The following CLSTN1 variants were observed in gnomAD, a reference collection of about 807,000 sequenced individuals.
CLSTN1 encodes calsyntenin-1.
A neutral mutation model predicts 108.3 loss-of-function variants in CLSTN1; 28 were observed. The observed-to-expected ratio is 0.26, with a 90% CI of 0.19 to 0.35. CLSTN1 has a LOEUF of 0.35. CLSTN1 is among the 10% of genes least tolerant of loss of function. The probability of loss-of-function intolerance (pLI) is 1.00; values close to 1 mark genes in which losing one functional copy is unlikely to be tolerated. For synonymous variants in CLSTN1, 524 were observed against 534.9 expected (o/e 0.98, Z 0.28); for missense variants, 1,157 against 1,302.6 (o/e 0.89, Z 1.72).
chr1:9,776,636 C>T (rs1022041831), intron 1 of CLSTN1, among the ~76,000 whole-genome samples: 3 of 152,132 alleles, frequency 2.0e-5, no homozygotes, highest in African/African-American at 7.2e-5. Flanking sequence ...CCGGCACTTA[C>T]TCGGCAGCCA....
intron 7 of CLSTN1, 38 bp downstream of exon 7, chr1:9,749,423 C>G: frequency 1.9e-6 from 3 of 1,573,320 alleles, no homozygotes; most frequent in Non-Finnish European, 1.7e-6. Flanking sequence ...CCACCTTCAC[C>G]AAAGCCAGCC....
chr1:9,747,295 G>C (rs192302488), intron 7 of CLSTN1, among the ~76,000 whole-genome samples: 1 of 150,284 alleles, frequency 6.7e-6, no homozygotes, highest in African/African-American at 2.5e-5. Context: ...TGAAATGAGA[G>C]ACGGAATAAA....
chr1:9,731,969 G>A (rs930929746), intron 16 of CLSTN1, 73 bp from the exon 17 acceptor site: 22 of 1,585,726 alleles, frequency 1.4e-5, no homozygotes, highest in African/African-American at 2.7e-5. Context: ...GTGGAGTCCC[G>A]CAGCTGGCAT....
chr1:9,771,894 C>A lies in CLSTN1; in HGVS notation c.214+1378G>T, dbSNP rs992328258. ...TTCAGAAACAAACTCATGTTTATTT[C>A]CTTCAACTTACTATAGTAAAATTAA... is the stretch of plus-strand genomic sequence containing the variant. On this transcript the variant is annotated intron_variant, in intron 2 of 18. Coordinates refer to ENST00000377298, the MANE Select transcript of CLSTN1 (RefSeq NM_001009566.3). Among the ~76,000 whole-genome samples, 3 of 152,128 alleles carry A rather than the reference C, an allele frequency of 2.0e-5. 1 individual carries two copies. The South Asian group carries it at 6.2e-4, about 32-fold the overall frequency.
At chr1:9,777,294 C>T (rs925891684) in intron 1 of CLSTN1, among the ~76,000 whole-genome samples, 3 of 147,080 alleles carry the variant, frequency 2.0e-5, no homozygotes, top group African/African-American at 7.6e-5. Flanking sequence ...CCAAGGCAGG[C>T]GGATCACTTG....
intron 15 of CLSTN1, 121 bp downstream of exon 15, chr1:9,733,851 C>A (rs969760563): frequency 2.8e-6 from 3 of 1,085,462 alleles, no homozygotes; most frequent in Non-Finnish European, 4.0e-6. Context: ...GAACGTGCTC[C>A]TTCCCCATCT....
intron 2 of CLSTN1, among the ~76,000 whole-genome samples, chr1:9,760,266 A>G (rs1296204117): frequency 2.0e-5 from 3 of 152,120 alleles, no homozygotes; most frequent in East Asian, 3.9e-4. Context: ...CTTTACCTAC[A>G]AGGACTTAAA....
At chr1:9,809,626 T>A (rs1570520427) in intron 1 of CLSTN1, among the ~76,000 whole-genome samples, 1 of 151,886 alleles carries the variant, frequency 6.6e-6, no homozygotes, top group Admixed American at 6.6e-5. Context: ...ACTAAAAATA[T>A]AAGCAGTGGC....
chr1:9,789,914 G>T (rs558631857), intron 1 of CLSTN1, among the ~76,000 whole-genome samples: 4 of 151,524 alleles, frequency 2.6e-5, no homozygotes, highest in African/African-American at 9.6e-5. Flanking sequence ...GGCTGGTAGA[G>T]GCTGCAATGA....
At chr1:9,762,080 A>C (rs1361040929) in intron 2 of CLSTN1, among the ~76,000 whole-genome samples, 3 of 152,152 alleles carry the variant, frequency 2.0e-5, no homozygotes, top group Admixed American at 1.3e-4. Flanking sequence ...AGGGAGGGGC[A>C]CCTGTTCACT....
intron 2 of CLSTN1, among the ~76,000 whole-genome samples, chr1:9,769,519 C>A (rs1254207145): frequency 1.3e-5 from 2 of 152,160 alleles, no homozygotes; most frequent in Non-Finnish European, 2.9e-5. Context: ...AATCACCATG[C>A]TGGGAGACGC....
chr1:9,822,425 C>T (rs1379300972), intron 1 of CLSTN1, among the ~76,000 whole-genome samples: 3 of 152,174 alleles, frequency 2.0e-5, no homozygotes, highest in Non-Finnish European at 4.4e-5. Flanking sequence ...CACCATACTT[C>T]TCTCCTTATG....
chr1:9,750,075 AGCCCTAACAC>A (rs1651481223), intron 5 of CLSTN1, 162 bp from the exon 6 acceptor site: 1 of 608,826 alleles, frequency 1.6e-6, no homozygotes, highest in South Asian at 2.0e-5. Context: ...GTCCTCCCTG[AGCCCTAACAC>A]GCACTAAATC....
intron 3 of CLSTN1, 82 bp from the exon 4 acceptor site, chr1:9,755,391 C>G: frequency 8.5e-7 from 1 of 1,177,958 alleles, no homozygotes; most frequent in Non-Finnish European, 1.2e-6. Context: ...ATCTCCACCC[C>G]CAAAGAAAAT....
intron 1 of CLSTN1, among the ~76,000 whole-genome samples, chr1:9,791,697 A>G (rs962756061): frequency 2.6e-5 from 4 of 150,956 alleles, no homozygotes; most frequent in African/African-American, 7.3e-5. Context: ...ATGCCCACTA[A>G]TTTTTGTATT....
intron 1 of CLSTN1, among the ~76,000 whole-genome samples, chr1:9,798,992 C>T (rs1654134631): frequency 6.6e-6 from 1 of 151,620 alleles, no homozygotes; most frequent in Admixed American, 6.6e-5. Flanking sequence ...CCCATTCTGG[C>T]AACAAAGTGA....
At chr1:9,773,802 T>C (rs1046627167) in intron 1 of CLSTN1, among the ~76,000 whole-genome samples, 2 of 152,170 alleles carry the variant, frequency 1.3e-5, no homozygotes, top group Non-Finnish European at 2.9e-5. Flanking sequence ...GGTGTAATCA[T>C]GACTCACTGC....
At position 9,737,637 on chromosome 1, in the gene CLSTN1, G is replaced by A. The variant is rs1029169031; in HGVS notation, c.1520-83C>T. The A allele has an allele frequency of 2.5e-6, 3 of 1,178,490 alleles. No homozygotes were observed. In the African/African-American group the frequency reaches 4.6e-5, roughly 18 times the overall value. The allele number at this position is 1,178,490 out of a possible 1,614,324, so 73.0% of individuals were successfully genotyped here. On this transcript the variant is annotated intron_variant, in intron 10 of 18. Coordinates refer to ENST00000377298, the MANE Select transcript of CLSTN1 (RefSeq NM_001009566.3). The stretch of plus-strand genomic sequence containing the variant: ...CCGGACCTTGAAAACCAGGTTTGAA[G>A]CAACCAACTATAAAACATGAAGAGA...
rs115836351 is a variant in CLSTN1 at position 9,789,193 on chromosome 1, G to A, written c.92-15799C>T. On this transcript the variant is annotated intron_variant, in intron 1 of 18. Coordinates refer to ENST00000377298, the MANE Select transcript of CLSTN1 (RefSeq NM_001009566.3). ...TCTTTTGTGAATATGCCCAGAAGGC[G>A]GACTGCTGGATCATACGGTGATTCT... 5.5e-3 allele frequency among the ~76,000 whole-genome samples: 832 copies of A among 151,444 alleles called. 14 individuals are homozygous for A. The highest frequency in any genetic ancestry group is 0.019 in the African/African-American group (802 of 41,524).
Sources: allele counts gnomAD v4.1 joint callset (sites outside exome capture counted in the v4.1 genomes callset), GRCh38; gene constraint gnomAD v4.1.1; transcripts MANE v1.5; gene names NCBI Gene and HGNC (gene_info 2026-07-23, HGNC 2026-07-21).